SRPK2: variants seen among roughly 807,000 people sequenced by gnomAD.
The protein encoded by SRPK2 is SFRS protein kinase 2.
SRPK2 carries 21 observed loss-of-function variants against 90.8 expected under a neutral mutation model. The observed-to-expected ratio is 0.23, with a 90% CI of 0.16 to 0.33. The LOEUF (loss-of-function observed/expected upper bound fraction) is 0.33. SRPK2 is among the 10% of genes least tolerant of loss of function. The pLI is 1.00. For synonymous variants in SRPK2, 288 were observed against 311.1 expected (o/e 0.93, Z 0.78); for missense variants, 620 against 869.0 (o/e 0.71, Z 3.60).
In SRPK2 at chr7:105,322,589, G is replaced by A. The variant is rs1448063332; in HGVS notation, c.71+66059C>T. On this transcript the variant is annotated intron_variant, in intron 2 of 15. Coordinates refer to ENST00000393651, the MANE Select transcript of SRPK2 (RefSeq NM_182692.3). Reference sequence around the variant, plus strand: ...CAGGAGTTGGGGGAGGGGGAAATAGGGAGCAGCTGCTTAATGGGTAGAGTT... The same window carrying A: ...CAGGAGTTGGGGGAGGGGGAAATAGAGAGCAGCTGCTTAATGGGTAGAGTT... 3.3e-5 allele frequency among the ~76,000 whole-genome samples: 5 copies of A among 152,170 alleles called. No homozygotes were observed. The South Asian group carries it at 1.0e-3, about 32-fold the overall frequency.
chr7:105,197,301 T>C (rs1353715693), intron 3 of SRPK2, among the ~76,000 whole-genome samples: 1 of 152,208 alleles, frequency 6.6e-6, no homozygotes. Context: ...TTTTATGCTC[T>C]ATTTTGAAGA....
chr7:105,184,025 G>T (rs1171339671), intron 3 of SRPK2, among the ~76,000 whole-genome samples: 1 of 140,800 alleles, frequency 7.1e-6, no homozygotes, highest in Non-Finnish European at 1.5e-5. Flanking sequence ...GTGCAGGCTG[G>T]AGTGTAGTGG....
upstream of SRPK2, chr7:105,389,068 A>G: frequency 1.7e-6 from 1 of 575,650 alleles, no homozygotes; most frequent in Non-Finnish European, 2.0e-6. Flanking sequence ...CGCCCCACCC[A>G]CCTGTGCAGA....
At chr7:105,301,473 T>C (rs1044280052) in intron 2 of SRPK2, 69 of 1,008,394 alleles carry the variant, frequency 6.8e-5, no homozygotes, top group Non-Finnish European at 9.5e-5. Flanking sequence ...TTTGTCTTCG[T>C]TGTTGCAAGC....
intron 6 of SRPK2, among the ~76,000 whole-genome samples, chr7:105,165,481 T>G (rs576046420): frequency 6.6e-6 from 1 of 152,064 alleles, no homozygotes; most frequent in Non-Finnish European, 1.5e-5. Context: ...TCTGTGTCTA[T>G]CTAAAGATTG....
At position 105,116,396 on chromosome 7, in the gene SRPK2, C is replaced by T. The variant is rs555950679; in HGVS notation, c.*1442G>A. ...ATGTCTGGAAAAAAAAAAACCAAAA[C>T]ACTTTAATTTTTAAGACAACTGCAA... On this transcript the variant is annotated 3_prime_UTR_variant, in exon 16 of 16. Coordinates refer to ENST00000393651, the MANE Select transcript of SRPK2 (RefSeq NM_182692.3). 1.3e-5 allele frequency: 2 copies of T among 151,586 alleles called. No homozygotes were observed. The highest frequency in any genetic ancestry group is 4.2e-4 in the South Asian group (2 of 4,800). 9.4% of individuals were successfully genotyped at this position (151,586 alleles called of 1,614,324 possible).
chr7:105,203,525 G>A (rs1795820401), intron 3 of SRPK2, 103 bp downstream of exon 3: 1 of 1,294,182 alleles, frequency 7.7e-7, no homozygotes, highest in Non-Finnish European at 1.0e-6. Flanking sequence ...TGAAGACCAA[G>A]CAATTTGCAT....
chr7:105,160,300 T>C (rs532943427), intron 7 of SRPK2: 1 of 365,704 alleles, frequency 2.7e-6, no homozygotes, highest in African/African-American at 2.1e-5. Flanking sequence ...AATTACATGT[T>C]GTTCCCTTCA....
intron 2 of SRPK2, among the ~76,000 whole-genome samples, chr7:105,283,531 T>A (rs950225944): frequency 1.3e-5 from 2 of 152,162 alleles, no homozygotes; most frequent in Non-Finnish European, 1.5e-5. Context: ...ACAAATATTA[T>A]ATGATTTCAT....
At chr7:105,164,755 G>C (rs1481160112) in intron 6 of SRPK2, among the ~76,000 whole-genome samples, 2 of 152,088 alleles carry the variant, frequency 1.3e-5, no homozygotes, top group East Asian at 3.9e-4. Context: ...TGACTTAGTA[G>C]ATGCATAAAC....
At chr7:105,194,418 G>T (rs932135923) in intron 3 of SRPK2, among the ~76,000 whole-genome samples, 1 of 152,102 alleles carries the variant, frequency 6.6e-6, no homozygotes, top group Non-Finnish European at 1.5e-5. Context: ...ACCTCCATTT[G>T]CCCTGAAATG....
At chr7:105,299,103 A>G (rs1055293552) in intron 2 of SRPK2, among the ~76,000 whole-genome samples, 2 of 152,006 alleles carry the variant, frequency 1.3e-5, no homozygotes, top group African/African-American at 4.8e-5. Flanking sequence ...CCCAGTGGGC[A>G]CTCTTCCTCC....
At chr7:105,247,873 T>C (rs922244982) in intron 2 of SRPK2, among the ~76,000 whole-genome samples, 1 of 142,048 alleles carries the variant, frequency 7.0e-6, no homozygotes, top group Non-Finnish European at 1.5e-5. Flanking sequence ...TTAACAATCT[T>C]TTTTTTTTTT....
At chr7:105,361,008 G>C (rs1471340390) in intron 2 of SRPK2, among the ~76,000 whole-genome samples, 2 of 152,062 alleles carry the variant, frequency 1.3e-5, no homozygotes, top group African/African-American at 4.8e-5. Context: ...GAAATAAAGG[G>C]TATTCAATTA....
intron 2 of SRPK2, among the ~76,000 whole-genome samples, chr7:105,257,890 G>C (rs4496901): frequency 6.6e-6 from 1 of 151,734 alleles, no homozygotes; most frequent in African/African-American, 2.4e-5. Context: ...GGCAGGCAGA[G>C]CAAGAGGTCA....
At chr7:105,301,802 C>T (rs576365690) in intron 2 of SRPK2, 10 of 1,562,326 alleles carry the variant, frequency 6.4e-6, no homozygotes, top group Admixed American at 3.3e-5. Flanking sequence ...ATCTTGGAAC[C>T]GCTATGACCT....
chr7:105,359,526 C>T (rs1228593077), intron 2 of SRPK2, among the ~76,000 whole-genome samples: 1 of 152,062 alleles, frequency 6.6e-6, no homozygotes, highest in East Asian at 1.9e-4. Context: ...GTAAAAAAGA[C>T]GTCAAAAGCA....
At chr7:105,205,999 T>C in intron 2 of SRPK2, 1 of 519,054 alleles carries the variant, frequency 1.9e-6, no homozygotes, top group South Asian at 1.4e-5. Flanking sequence ...TGATGGCTCT[T>C]GTGCTGCCAG....
intron 2 of SRPK2, among the ~76,000 whole-genome samples, chr7:105,269,883 C>T (rs1805601023): frequency 2.0e-5 from 3 of 152,158 alleles, no homozygotes; most frequent in Non-Finnish European, 4.4e-5. Flanking sequence ...CTGAAGTGTG[C>T]TTTCATAATA....
Sources: gnomAD v4.1 joint callset for allele counts (sites outside exome capture counted in the v4.1 genomes callset) on GRCh38, gnomAD v4.1.1 for gene constraint, MANE v1.5 for transcripts, NCBI Gene and HGNC (gene_info 2026-07-23, HGNC 2026-07-21) for gene names.